SSBP3: variants seen among roughly 807,000 people sequenced by gnomAD.
SSBP3 encodes the protein single-stranded DNA-binding protein 3.
Under a neutral mutation model 69.6 loss-of-function variants are expected in SSBP3, and 5 were observed. The ratio of observed to expected loss-of-function variants is 0.07; its 90% confidence interval spans 0.04 to 0.15. SSBP3 has a LOEUF of 0.15. Among genes scored for constraint, SSBP3 ranks in the 10% least tolerant of loss-of-function variants. The pLI is 1.00. For synonymous variants in SSBP3, 196 were observed against 193.4 expected (o/e 1.01, Z -0.11); for missense variants, 312 against 534.0 (o/e 0.58, Z 4.10).
chr1:54,353,268 G>A (rs1476033622), intron 4 of SSBP3, among the ~76,000 whole-genome samples: 13 of 152,266 alleles, frequency 8.5e-5, no homozygotes, highest in East Asian at 1.9e-4. Flanking sequence ...CATTCTTTCC[G>A]TCGAAATCAG....
intron 4 of SSBP3, among the ~76,000 whole-genome samples, chr1:54,364,783 T>A (rs1329290898): frequency 6.6e-6 from 1 of 152,160 alleles, no homozygotes; most frequent in Non-Finnish European, 1.5e-5. Flanking sequence ...CCACTCCTCC[T>A]CTCAGCAATG....
At chr1:54,284,758 C>T (rs1013909102) in intron 4 of SSBP3, among the ~76,000 whole-genome samples, 18 of 152,156 alleles carry the variant, frequency 1.2e-4, no homozygotes, top group Admixed American at 2.6e-4. Flanking sequence ...TGTGAACCAT[C>T]GTGTCTGGCC....
intron 4 of SSBP3, among the ~76,000 whole-genome samples, chr1:54,390,963 G>GC (rs1038473512): frequency 1.3e-5 from 2 of 152,224 alleles, no homozygotes; most frequent in Non-Finnish European, 2.9e-5. Flanking sequence ...TGGGCCATCT[G>GC]CCCCCTCAGC....
At chr1:54,309,879 C>T (rs112420725) in intron 4 of SSBP3, among the ~76,000 whole-genome samples, 2 of 152,086 alleles carry the variant, frequency 1.3e-5, no homozygotes, top group South Asian at 2.1e-4. Flanking sequence ...GCTTTCTTGT[C>T]GTTTCCAAAA....
chr1:54,326,691 C>T (rs75781996), intron 4 of SSBP3, among the ~76,000 whole-genome samples: 2,462 of 152,270 alleles, frequency 0.016, 62 homozygotes, highest in African/African-American at 0.056. Context: ...ATACCCAGGC[C>T]GTTCCACCCA....
At chr1:54,240,049 TG>T (rs1644581675) in intron 13 of SSBP3, among the ~76,000 whole-genome samples, 2 of 38,992 alleles carry the variant, frequency 5.1e-5, no homozygotes, top group Non-Finnish European at 1.3e-4. Context: ...TGTGATGGGG[TG>T]TGTGTGTGTG....
At chr1:54,265,222 T>G (rs140725137) in intron 5 of SSBP3, among the ~76,000 whole-genome samples, 6 of 152,300 alleles carry the variant, frequency 3.9e-5, no homozygotes, top group African/African-American at 1.2e-4. Context: ...CAATTTTACA[T>G]GCAGTCTTTG....
chr1:54,387,539 GA>G (rs1648181651), intron 4 of SSBP3, among the ~76,000 whole-genome samples: 1 of 151,822 alleles, frequency 6.6e-6, no homozygotes, highest in African/African-American at 2.4e-5. Flanking sequence ...GGAAAGAGGG[GA>G]AAAACACGTC....
At chr1:54,300,131 G>A (rs1645775375) in intron 4 of SSBP3, among the ~76,000 whole-genome samples, 1 of 152,104 alleles carries the variant, frequency 6.6e-6, no homozygotes, top group South Asian at 2.1e-4. Context: ...AGAAGATAAG[G>A]TTAGCAGTGC....
intron 4 of SSBP3, chr1:54,335,860 G>C (rs1271914269): frequency 6.6e-6 from 1 of 152,320 alleles, no homozygotes; most frequent in African/African-American, 2.4e-5. Flanking sequence ...AGGAATTCCT[G>C]GGGAATCCAG....
At chr1:54,309,749 C>T (rs1369868527) in intron 4 of SSBP3, among the ~76,000 whole-genome samples, 1 of 152,104 alleles carries the variant, frequency 6.6e-6, no homozygotes, top group Non-Finnish European at 1.5e-5. Flanking sequence ...GAAAGAAAAC[C>T]CCAGGAACAC....
intron 4 of SSBP3, among the ~76,000 whole-genome samples, chr1:54,333,610 G>A (rs1226056348): frequency 6.6e-6 from 1 of 152,176 alleles, no homozygotes; most frequent in Non-Finnish European, 1.5e-5. Context: ...CAGGCTATCT[G>A]GGTTTAAATC....
At chr1:54,369,850 G>C (rs569367556) in intron 4 of SSBP3, among the ~76,000 whole-genome samples, 2 of 149,338 alleles carry the variant, frequency 1.3e-5, no homozygotes, top group East Asian at 4.3e-4. Context: ...ACCCTCGACG[G>C]TATCCTGGGC....
intron 4 of SSBP3, among the ~76,000 whole-genome samples, chr1:54,329,202 A>AGGAAGGGAGGCG (rs1553139831): frequency 6.6e-6 from 1 of 151,694 alleles, no homozygotes; most frequent in East Asian, 2.0e-4. Context: ...CATCAAAGGC[A>AGGAAGGGAGGCG]GGGAGGGAGG....
chr1:54,404,814 G>GGT lies in SSBP3; in HGVS notation c.129+43_129+44insAC. On this transcript the variant is annotated intron_variant, in intron 2 of 17. Coordinates refer to ENST00000610401, the Ensembl canonical transcript of SSBP3. The stretch of plus-strand genomic sequence containing the variant: ...ACAAAGGCTCTAAGAATAGTGGGGG[G>GGT]GGGGGGTGTCAAGAAATTGGATGCT... The GGT allele has an allele frequency of 1.9e-6, 2 of 1,057,496 alleles. 1 individual carries two copies. Among genetic ancestry groups the GGT allele is most frequent in the Non-Finnish European group, 2.8e-6 (2 of 720,028 alleles). The allele number at this position is 1,057,496 out of a possible 1,614,324, so 65.5% of individuals were successfully genotyped here.
chr1:54,407,629 A>G (rs1435505148), upstream of SSBP3, among the ~76,000 whole-genome samples: 2 of 152,042 alleles, frequency 1.3e-5, no homozygotes, highest in African/African-American at 2.4e-5. Flanking sequence ...TTTAAATGTG[A>G]TAAAACACTG....
upstream of SSBP3, among the ~76,000 whole-genome samples, chr1:54,407,747 T>G (rs560302973): frequency 2.1e-4 from 24 of 115,986 alleles, 1 homozygote; most frequent in East Asian, 5.8e-3. Flanking sequence ...TAGCCTAGGT[T>G]GATTTTTTTT....
intron 4 of SSBP3, among the ~76,000 whole-genome samples, chr1:54,311,543 C>T (rs570314439): frequency 4.9e-4 from 74 of 152,116 alleles, no homozygotes; most frequent in Non-Finnish European, 9.3e-4. Flanking sequence ...ATGTCAAAAT[C>T]GAGACAACCC....
At chr1:54,375,835 G>C (rs1647213137) in intron 4 of SSBP3, among the ~76,000 whole-genome samples, 1 of 152,222 alleles carries the variant, frequency 6.6e-6, no homozygotes, top group African/African-American at 2.4e-5. Context: ...CCCTGGCGGT[G>C]GCAAACCCTG....
Sources: allele counts gnomAD v4.1 joint callset (sites outside exome capture counted in the v4.1 genomes callset), GRCh38; gene constraint gnomAD v4.1.1; transcripts MANE v1.5; gene names NCBI Gene and HGNC (gene_info 2026-07-23, HGNC 2026-07-21).